PAX7: variants seen among roughly 807,000 people sequenced by gnomAD.
The protein encoded by PAX7 is paired box protein Pax-7.
In PAX7, 18 loss-of-function variants were observed where a neutral mutation model predicts 50.7. The ratio of observed to expected loss-of-function variants is 0.36; its 90% confidence interval spans 0.25 to 0.53. The LOEUF is 0.53. Among genes scored for constraint, PAX7 ranks in the 20% least tolerant of loss-of-function variants. The probability of loss-of-function intolerance (pLI) is 0.93; values close to 1 mark genes in which losing one functional copy is unlikely to be tolerated. For synonymous variants in PAX7, 310 were observed against 290.4 expected, an observed-to-expected ratio of 1.07 and a Z score of -0.69; for missense variants, 644 against 702.9, an observed-to-expected ratio of 0.92 and a Z score of 0.95.
chr1:18,698,647 A>G (rs2089178304), intron 5 of PAX7, among the ~76,000 whole-genome samples: 1 of 152,178 alleles, frequency 6.6e-6, no homozygotes, highest in Non-Finnish European at 1.5e-5. Context: ...AGGCAAGGCC[A>G]TTCCTTGCAG....
rs758889282 is a variant in PAX7 at position 18,634,300 on chromosome 1, C to T, written c.86-3C>T. 6.2e-7 allele frequency: 1 copy of T among 1,612,564 alleles called. No individual in the cohort carries two copies. The highest frequency in any genetic ancestry group is 8.5e-7 in the Non-Finnish European group (1 of 1,179,136). Reference sequence around the variant, plus strand: ...CCTTCTGCATCTCCCCTCCCTTCTCCAGTGTCCACCCCGCTTGGCCAAGGC... The same window carrying T: ...CCTTCTGCATCTCCCCTCCCTTCTCTAGTGTCCACCCCGCTTGGCCAAGGC... On this transcript the variant is annotated splice_polypyrimidine_tract_variant and splice_region_variant and intron_variant, in intron 1 of 8. Transcript: ENST00000420770. The surrounding 1 kb of genome is among the most constrained non-coding windows in gnomAD (Gnocchi z 4.0).
chr1:18,670,341 T>A (rs2088725805), intron 4 of PAX7, among the ~76,000 whole-genome samples: 1 of 152,090 alleles, frequency 6.6e-6, no homozygotes, highest in South Asian at 2.1e-4. Context: ...CCAACCCCCA[T>A]CATGAGAGCA....
chr1:18,732,138 A>C (rs2089654077), intron 7 of PAX7, among the ~76,000 whole-genome samples: 1 of 152,038 alleles, frequency 6.6e-6, no homozygotes, highest in Non-Finnish European at 1.5e-5. Context: ...ATCTTTGGGG[A>C]GGTCTTGCCT....
intron 5 of PAX7, among the ~76,000 whole-genome samples, chr1:18,699,593 G>A (rs1448434112): frequency 1.1e-4 from 16 of 148,004 alleles, no homozygotes; most frequent in Non-Finnish European, 2.1e-4. Flanking sequence ...GCAGAGTCTC[G>A]CTTGTCGCCC....
intron 7 of PAX7, among the ~76,000 whole-genome samples, chr1:18,707,552 A>G (rs1384031225): frequency 6.6e-6 from 1 of 151,340 alleles, no homozygotes; most frequent in Non-Finnish European, 1.5e-5. Context: ...CCTCCAGAGT[A>G]GCTGGGACTA....
chr1:18,679,987 T>TGA (rs1035337528), intron 4 of PAX7, among the ~76,000 whole-genome samples: 12 of 152,224 alleles, frequency 7.9e-5, no homozygotes, highest in African/African-American at 2.9e-4. Context: ...GGGTGCTTAC[T>TGA]GAGTACCTGG....
chr1:18,666,876 T>C (rs1291667534), intron 4 of PAX7, among the ~76,000 whole-genome samples: 3 of 152,178 alleles, frequency 2.0e-5, no homozygotes, highest in Non-Finnish European at 2.9e-5. Context: ...GGAAGTGGGA[T>C]TGAATTTCCT....
intron 4 of PAX7, among the ~76,000 whole-genome samples, chr1:18,688,691 A>G (rs1436638674): frequency 6.6e-6 from 1 of 152,210 alleles, no homozygotes; most frequent in Non-Finnish European, 1.5e-5. Context: ...ACCTGAGGTC[A>G]GGAGTTCAAG....
intron 4 of PAX7, among the ~76,000 whole-genome samples, chr1:18,681,056 A>G (rs2088891487): frequency 6.7e-6 from 1 of 150,352 alleles, no homozygotes; most frequent in African/African-American, 2.5e-5. Flanking sequence ...AATCCCAGCT[A>G]CTCGGAAGGC....
At chr1:18,703,877 A>ATAGTGT (rs2089253471) in intron 7 of PAX7, among the ~76,000 whole-genome samples, 2 of 152,230 alleles carry the variant, frequency 1.3e-5, no homozygotes, top group Non-Finnish European at 1.5e-5. Flanking sequence ...CTGAAGAGCC[A>ATAGTGT]TAGTGTGGCA....
chr1:18,720,172 C>T (rs1055369497), intron 7 of PAX7, among the ~76,000 whole-genome samples: 1 of 152,228 alleles, frequency 6.6e-6, no homozygotes, highest in African/African-American at 2.4e-5. Context: ...CTCTGCGTGC[C>T]TGCGGATGTT....
chr1:18,645,490 G>A (rs912822098), intron 4 of PAX7, among the ~76,000 whole-genome samples: 1 of 152,234 alleles, frequency 6.6e-6, no homozygotes, highest in Non-Finnish European at 1.5e-5. Context: ...CCTCACCCAA[G>A]TGGGCGAGTG....
In PAX7 at chr1:18,634,624, C is replaced by A. The variant is rs986891249; in HGVS notation, c.321+86C>A. On this transcript the variant is annotated intron_variant, in intron 2 of 8. Coordinates refer to ENST00000420770, the MANE Select transcript of PAX7 (RefSeq NM_001135254.2). This position sits in a 1 kb window ranked among gnomAD's most constrained non-coding sequence, Gnocchi z 4.0. ...TGGCCCCTCTTACTACCTCGTGGCACCAGGCTGTAGGAAAGTACAGCTGGA... is the reference window on the plus strand; with the variant it reads ...TGGCCCCTCTTACTACCTCGTGGCAACAGGCTGTAGGAAAGTACAGCTGGA... 1 of 1,090,902 alleles carries A rather than the reference C, an allele frequency of 9.2e-7. No homozygotes were observed. Among genetic ancestry groups the A allele is most frequent in the Non-Finnish European group, 1.4e-6 (1 of 734,314 alleles). 67.6% of individuals were successfully genotyped at this position (1,090,902 alleles called of 1,614,324 possible).
intron 7 of PAX7, among the ~76,000 whole-genome samples, chr1:18,719,338 G>A (rs1468924611): frequency 6.6e-6 from 1 of 152,216 alleles, no homozygotes; most frequent in Non-Finnish European, 1.5e-5. Context: ...AGACCTGGGT[G>A]GGGCTTTTGA....
intron 7 of PAX7, among the ~76,000 whole-genome samples, chr1:18,721,509 C>G (rs887815189): frequency 6.6e-6 from 1 of 152,198 alleles, no homozygotes; most frequent in Non-Finnish European, 1.5e-5. Context: ...GCCACATGGC[C>G]GTGACTGAGT....
chr1:18,632,812 C>T lies in PAX7; in HGVS notation c.85+1124C>T, dbSNP rs1223706347. ...CTGAATTAGACAGAGGCGAAGAGAG[C>T]GGCTCCGTGATCAAGTGCGCGCCGG... On this transcript the variant is annotated intron_variant, in intron 1 of 8. Coordinates refer to ENST00000420770, the MANE Select transcript of PAX7 (RefSeq NM_001135254.2). The surrounding 1 kb of genome is among the most constrained non-coding windows in gnomAD (Gnocchi z 6.3). Among the ~76,000 whole-genome samples, 1 of 152,234 alleles carries T rather than the reference C, an allele frequency of 6.6e-6. No individual in the cohort carries two copies. The highest frequency in any genetic ancestry group is 2.1e-4 in the South Asian group (1 of 4,822).
In PAX7 at chr1:18,636,800, C is replaced by T. The variant is rs1307224260; in HGVS notation, c.586+429C>T. ...GGGAGAGAGGAAGGAGGAGCCGGCC[C>T]GCGGCTCCCTAAATGAATTTGTTAA... On this transcript the variant is annotated intron_variant, in intron 4 of 8. Transcript: ENST00000420770. The surrounding 1 kb of genome is among the most constrained non-coding windows in gnomAD (Gnocchi z 5.1). Among the ~76,000 whole-genome samples, 2 of 152,122 alleles carry T rather than the reference C, an allele frequency of 1.3e-5. No individual in the cohort carries two copies. The highest frequency in any genetic ancestry group is 1.9e-4 in the East Asian group (1 of 5,162).
chr1:18,670,787 C>G (rs2088737453), intron 4 of PAX7, among the ~76,000 whole-genome samples: 1 of 152,186 alleles, frequency 6.6e-6, no homozygotes, highest in East Asian at 1.9e-4. Flanking sequence ...GCTCCTTGTC[C>G]CATCAGGCAC....
chr1:18,651,994 C>G (rs942646552), intron 4 of PAX7, among the ~76,000 whole-genome samples: 2 of 152,028 alleles, frequency 1.3e-5, no homozygotes, highest in Non-Finnish European at 1.5e-5. Context: ...GAAGTTGGCT[C>G]TCAGGTCAGG....
Sources: allele counts gnomAD v4.1 joint callset (sites outside exome capture counted in the v4.1 genomes callset), GRCh38; gene constraint gnomAD v4.1.1; non-coding constraint Gnocchi (gnomAD v3.1); transcripts MANE v1.5; gene names NCBI Gene and HGNC (gene_info 2026-07-23, HGNC 2026-07-21).